Variants in CREB5 observed in about 807,000 individuals in gnomAD.
The protein encoded by CREB5 is cAMP responsive element binding protein 5.
Under a neutral mutation model 57.1 loss-of-function variants are expected in CREB5, and 19 were observed. That is an observed-to-expected ratio of 0.33 (90% CI 0.23 to 0.49). The LOEUF is 0.49. CREB5 is among the 20% of genes least tolerant of loss of function. The pLI is 0.99. For synonymous variants in CREB5, 238 were observed against 238.3 expected (o/e 1.00, Z 0.01); for missense variants, 579 against 671.6 (o/e 0.86, Z 1.52).
rs770627018 is a variant in CREB5 at position 28,718,838 on chromosome 7, C to T, written c.550C>T (p.Pro184Ser). ...GCCAGCCTCCATGCCTGGGACCCTG[C>T]CCAACCCTACAATGCCAGGATCTTC... ...PMPASMPGTL[P>S]NPTMPGSSAV... The change falls in exon 6 of 11, where the codon CCC becomes TCC. Residue 184 changes from proline (P) to serine (S), a missense_variant. By Grantham distance (74) the Pro-to-Ser change is moderately conservative. Coordinates refer to ENST00000357727, the MANE Select transcript of CREB5 (RefSeq NM_182898.4). 3.1e-6 allele frequency: 5 copies of T among 1,613,998 alleles called. No homozygotes were observed. The highest frequency in any genetic ancestry group is 3.3e-5 in the Admixed American group (2 of 60,004).
chr7:28,722,749 G>A (rs1803114399), intron 6 of CREB5, among the ~76,000 whole-genome samples: 1 of 152,160 alleles, frequency 6.6e-6, no homozygotes, highest in Admixed American at 6.5e-5. Flanking sequence ...TCTTGAAACA[G>A]TTTCACACAT....
chr7:28,785,238 T>C (rs1807250995), intron 7 of CREB5, among the ~76,000 whole-genome samples: 1 of 152,240 alleles, frequency 6.6e-6, no homozygotes, highest in South Asian at 2.1e-4. Context: ...GGGAAGCATC[T>C]GGGTCGTATG....
At chr7:28,814,376 G>C (rs952029481) in intron 9 of CREB5, among the ~76,000 whole-genome samples, 1 of 152,114 alleles carries the variant, frequency 6.6e-6, no homozygotes, top group Non-Finnish European at 1.5e-5. Flanking sequence ...TATAATGAAG[G>C]CTCCGTAGAT....
chr7:28,349,833 C>G (rs1259663603), intron 1 of CREB5, among the ~76,000 whole-genome samples: 1 of 152,216 alleles, frequency 6.6e-6, no homozygotes, highest in Non-Finnish European at 1.5e-5. Context: ...ATTTATTCTA[C>G]TACATGACAC....
intron 1 of CREB5, among the ~76,000 whole-genome samples, chr7:28,381,123 G>A (rs963732076): frequency 1.3e-5 from 2 of 152,068 alleles, no homozygotes; most frequent in East Asian, 3.9e-4. Context: ...TTACCCTCCC[G>A]AAACTCATCC....
intron 1 of CREB5, among the ~76,000 whole-genome samples, chr7:28,401,898 A>G (rs1376983404): frequency 6.6e-6 from 1 of 152,224 alleles, no homozygotes. Flanking sequence ...TTATAGCAGC[A>G]TGATTTATAA....
chr7:28,596,011 CCTAA>C (rs1351725203), intron 5 of CREB5, among the ~76,000 whole-genome samples: 3 of 152,182 alleles, frequency 2.0e-5, no homozygotes, highest in African/African-American at 7.2e-5. Context: ...GCCGAGACCT[CCTAA>C]ATCACAGTAT....
At chr7:28,633,746 A>C (rs1798297157) in intron 5 of CREB5, among the ~76,000 whole-genome samples, 1 of 151,980 alleles carries the variant, frequency 6.6e-6, no homozygotes, top group African/African-American at 2.4e-5. Context: ...AAATGTGTGA[A>C]CTCCAAGAGC....
At chr7:28,345,549 G>T (rs1786041511) in intron 1 of CREB5, among the ~76,000 whole-genome samples, 1 of 152,196 alleles carries the variant, frequency 6.6e-6, no homozygotes, top group Non-Finnish European at 1.5e-5. Context: ...GGGCAGGGCA[G>T]GTCCTGCAGG....
intron 1 of CREB5, among the ~76,000 whole-genome samples, chr7:28,339,718 C>T (rs1414672766): frequency 6.6e-6 from 1 of 152,224 alleles, no homozygotes; most frequent in African/African-American, 2.4e-5. Context: ...TACTTCCCTT[C>T]ATGCTGCTAA....
intron 1 of CREB5, among the ~76,000 whole-genome samples, chr7:28,423,725 G>T (rs1313846764): frequency 6.6e-6 from 1 of 152,112 alleles, no homozygotes; most frequent in Non-Finnish European, 1.5e-5. Flanking sequence ...ACAGAAAATG[G>T]CTGTGAACAA....
At chr7:28,416,913 A>C (rs1265483717) in intron 1 of CREB5, among the ~76,000 whole-genome samples, 1 of 152,190 alleles carries the variant, frequency 6.6e-6, no homozygotes, top group Admixed American at 6.5e-5. Context: ...ATTTTTCCAT[A>C]AGGAAAATAG....
chr7:28,492,014 T>C (rs1791828861), intron 2 of CREB5, among the ~76,000 whole-genome samples: 1 of 152,190 alleles, frequency 6.6e-6, no homozygotes, highest in Non-Finnish European at 1.5e-5. Flanking sequence ...TTTGTTTTGT[T>C]TTGAGATGGT....
intron 5 of CREB5, among the ~76,000 whole-genome samples, chr7:28,658,957 A>ATATATATATATATATGTG (rs1799456015): frequency 8.9e-6 from 1 of 111,812 alleles, no homozygotes; most frequent in African/African-American, 4.7e-5. Context: ...GTGTGTGTAT[A>ATATATATATATATATGTG]TATATATATA....
intron 2 of CREB5, among the ~76,000 whole-genome samples, chr7:28,490,453 G>C (rs1583529981): frequency 6.6e-6 from 1 of 152,220 alleles, no homozygotes; most frequent in Non-Finnish European, 1.5e-5. Flanking sequence ...GCAACCTCCA[G>C]GGTTGTGTAG....
intron 1 of CREB5, among the ~76,000 whole-genome samples, chr7:28,378,411 G>A (rs1003997643): frequency 2.0e-5 from 3 of 151,788 alleles, no homozygotes; most frequent in Non-Finnish European, 4.4e-5. Context: ...ACTACACGTT[G>A]TACATATGTA....
chr7:28,752,954 G>A (rs1805072150), intron 7 of CREB5, among the ~76,000 whole-genome samples: 1 of 151,238 alleles, frequency 6.6e-6, no homozygotes. Context: ...ATGTTTTGTG[G>A]AAATAAATTC....
intron 7 of CREB5, among the ~76,000 whole-genome samples, chr7:28,752,101 C>G (rs1239507424): frequency 1.3e-5 from 2 of 152,190 alleles, no homozygotes; most frequent in African/African-American, 4.8e-5. Context: ...GATATTAACC[C>G]TGATCACCTG....
chr7:28,470,253 C>T (rs1390665262), intron 1 of CREB5, among the ~76,000 whole-genome samples: 1 of 152,156 alleles, frequency 6.6e-6, no homozygotes, highest in Non-Finnish European at 1.5e-5. Context: ...GGTAACCATC[C>T]TTCTACCCTC....
Sources: allele counts gnomAD v4.1 joint callset (sites outside exome capture counted in the v4.1 genomes callset), GRCh38; gene constraint gnomAD v4.1.1; transcripts MANE v1.5; gene names NCBI Gene and HGNC (gene_info 2026-07-23, HGNC 2026-07-21).